RABGAP1L: variants seen among roughly 807,000 people sequenced by gnomAD.
RABGAP1L encodes RAB GTPase activating protein 1 like.
In RABGAP1L, 63 loss-of-function variants were observed where a neutral mutation model predicts 137.7. The ratio of observed to expected loss-of-function variants is 0.46; its 90% confidence interval spans 0.37 to 0.56. RABGAP1L has a LOEUF of 0.56. RABGAP1L is among the 20% of genes least tolerant of loss of function. The pLI, the probability that RABGAP1L is intolerant of heterozygous loss-of-function variation, is 0.00. For missense variants in RABGAP1L, 1,095 were observed against 1,244.0 expected (o/e 0.88, Z 1.80); for synonymous variants, 431 against 433.7 (o/e 0.99, Z 0.08).
chr1:174,393,160 A>G (rs1285205891), intron 12 of RABGAP1L, among the ~76,000 whole-genome samples: 1 of 152,144 alleles, frequency 6.6e-6, no homozygotes, highest in Non-Finnish European at 1.5e-5. Flanking sequence ...AAAGCCTGAT[A>G]AGTATGTGTT....
intron 10 of RABGAP1L, among the ~76,000 whole-genome samples, chr1:174,293,180 G>T (rs1676790593): frequency 6.7e-6 from 1 of 150,028 alleles, no homozygotes; most frequent in African/African-American, 2.5e-5. Flanking sequence ...TCTTCAATTT[G>T]GTTTTTCCTT....
At chr1:174,298,510 T>C (rs1677345634) in intron 10 of RABGAP1L, among the ~76,000 whole-genome samples, 1 of 152,354 alleles carries the variant, frequency 6.6e-6, no homozygotes, top group Non-Finnish European at 1.5e-5. Context: ...ACTTCCCTTA[T>C]TGTCTGCCTT....
chr1:174,947,704 G>A (rs1024378316), intron 19 of RABGAP1L, among the ~76,000 whole-genome samples: 1 of 152,160 alleles, frequency 6.6e-6, no homozygotes, highest in Non-Finnish European at 1.5e-5. Context: ...ACAGGTGTAA[G>A]CCACCGCACC....
At chr1:174,435,753 C>A (rs1396606384) in intron 13 of RABGAP1L, among the ~76,000 whole-genome samples, 1 of 151,554 alleles carries the variant, frequency 6.6e-6, no homozygotes, top group African/African-American at 2.4e-5. Flanking sequence ...GTGCTGCACC[C>A]ATTAACTCGT....
chr1:174,784,110 C>T (rs1388342935), intron 18 of RABGAP1L, among the ~76,000 whole-genome samples: 1 of 148,952 alleles, frequency 6.7e-6, no homozygotes, highest in African/African-American at 2.5e-5. Flanking sequence ...AGCTCCGCCT[C>T]CCGGGTTCAG....
chr1:174,838,389 T>C (rs766360104), intron 19 of RABGAP1L, among the ~76,000 whole-genome samples: 6 of 152,172 alleles, frequency 3.9e-5, no homozygotes, highest in Middle Eastern at 3.2e-3. Context: ...TAGATACATA[T>C]AGATGGCCAT....
rs1161311071 is a variant in RABGAP1L at position 174,438,744 on chromosome 1, G to GTGTATATATATATA, written c.1710+44600_1710+44601insGTATATATATATAT. Among the ~76,000 whole-genome samples, 128 of 95,406 alleles carry GTGTATATATATATA rather than the reference G, an allele frequency of 1.3e-3. 1 individual carries two copies. Among genetic ancestry groups the GTGTATATATATATA allele is most frequent in the African/African-American group, 3.1e-3 (66 of 21,028 alleles). The allele number at this position is 95,406 out of a possible 152,430, so 62.6% of individuals were successfully genotyped here. On this transcript the variant is annotated intron_variant, in intron 13 of 25. Coordinates refer to ENST00000681986, the MANE Select transcript of RABGAP1L (RefSeq NM_001366446.1). ...AAAAACCCAAAAAAAGTGTGTGTGT[G>GTGTATATATATATA]TATATATATATATATATATATATAT...
At chr1:174,351,647 C>CTTGACCTTTGGGTGTT (rs1683200514) in intron 11 of RABGAP1L, among the ~76,000 whole-genome samples, 1 of 152,038 alleles carries the variant, frequency 6.6e-6, no homozygotes. Flanking sequence ...GTTATACAAC[C>CTTGACCTTTGGGTGTT]TTGACCTTTG....
chr1:174,283,950 A>C (rs1308246597), intron 10 of RABGAP1L, among the ~76,000 whole-genome samples: 1 of 152,184 alleles, frequency 6.6e-6, no homozygotes, highest in Non-Finnish European at 1.5e-5. Flanking sequence ...ACTTTAATTT[A>C]TCTCTACCTA....
At chr1:174,683,729 C>G (rs912318261) in intron 15 of RABGAP1L, 133 bp downstream of exon 15, 2 of 583,544 alleles carry the variant, frequency 3.4e-6, no homozygotes, top group Non-Finnish European at 5.8e-6. Context: ...TTAAAATGTA[C>G]GTTAGGTGAT....
At chr1:174,250,260 A>G (rs16846809) in intron 5 of RABGAP1L, among the ~76,000 whole-genome samples, 11,022 of 152,158 alleles carry the variant, frequency 0.072, 595 homozygotes, top group East Asian at 0.32. Context: ...TTTACCATCT[A>G]CAGTTGTTTA....
intron 14 of RABGAP1L, among the ~76,000 whole-genome samples, chr1:174,677,346 T>C (rs530805157): frequency 1.3e-5 from 2 of 152,176 alleles, no homozygotes; most frequent in Non-Finnish European, 2.9e-5. Flanking sequence ...TTAGAACTTA[T>C]AATAAACCAT....
chr1:174,497,811 T>G (rs1660881874), intron 13 of RABGAP1L, among the ~76,000 whole-genome samples: 1 of 152,226 alleles, frequency 6.6e-6, no homozygotes, highest in African/African-American at 2.4e-5. Flanking sequence ...GGTTATTGAT[T>G]TGCTTAACTG....
At chr1:174,730,214 A>C (rs538740458) in intron 17 of RABGAP1L, among the ~76,000 whole-genome samples, 1 of 152,338 alleles carries the variant, frequency 6.6e-6, no homozygotes, top group South Asian at 2.1e-4. Context: ...AGAAAGCCCA[A>C]TGCCTCATAT....
At chr1:174,714,723 A>G (rs567421266) in intron 17 of RABGAP1L, among the ~76,000 whole-genome samples, 50 of 152,284 alleles carry the variant, frequency 3.3e-4, no homozygotes, top group African/African-American at 1.1e-3. Context: ...ACAGGCACCA[A>G]AGTTAACCTA....
intron 15 of RABGAP1L, among the ~76,000 whole-genome samples, chr1:174,686,594 G>A (rs1553233834): frequency 6.7e-6 from 1 of 149,724 alleles, no homozygotes; most frequent in Non-Finnish European, 1.5e-5. Context: ...TTACTTGGAT[G>A]AGAAGCTGAA....
chr1:174,323,567 T>C (rs533071962), intron 11 of RABGAP1L, among the ~76,000 whole-genome samples: 1 of 152,270 alleles, frequency 6.6e-6, no homozygotes, highest in African/African-American at 2.4e-5. Context: ...GAATATAATA[T>C]GAAAATAGAA....
At position 174,517,220 on chromosome 1, in the gene RABGAP1L, G is replaced by A. The variant is rs559217501; in HGVS notation, c.1711-120155G>A. The stretch of plus-strand genomic sequence containing the variant: ...GTAACTTAACCATATGTTATTAAAA[G>A]TGTTTTTATTACATTGATGAGTTAT... On this transcript the variant is annotated intron_variant, in intron 13 of 25. Coordinates refer to ENST00000681986, the MANE Select transcript of RABGAP1L (RefSeq NM_001366446.1). 1.2e-4 allele frequency among the ~76,000 whole-genome samples: 18 copies of A among 152,152 alleles called. No homozygotes were observed. In the East Asian group the frequency reaches 1.9e-3, roughly 16 times the overall value.
chr1:174,274,617 T>TGTGTGTGTGTGTGTGC (rs2148666862), intron 8 of RABGAP1L, among the ~76,000 whole-genome samples: 1 of 151,708 alleles, frequency 6.6e-6, no homozygotes, highest in African/African-American at 2.4e-5. Context: ...TGTGTGTGTG[T>TGTGTGTGTGTGTGTGC]GTGTGTGTGT....
Sources: allele counts gnomAD v4.1 joint callset (sites outside exome capture counted in the v4.1 genomes callset), GRCh38; gene constraint gnomAD v4.1.1; transcripts MANE v1.5; gene names NCBI Gene and HGNC (gene_info 2026-07-23, HGNC 2026-07-21).